Variants in RHOBTB2 observed in about 807,000 individuals in gnomAD.
The protein encoded by RHOBTB2 is Rho related BTB domain containing 2, also known as rho-related BTB domain-containing protein 2.
Under a neutral mutation model 66.5 loss-of-function variants are expected in RHOBTB2, and 39 were observed. The observed-to-expected ratio is 0.59, with a 90% CI of 0.45 to 0.77. RHOBTB2 has a LOEUF of 0.77. RHOBTB2 is among the 30% of genes least tolerant of loss of function. The pLI, the probability that RHOBTB2 is intolerant of heterozygous loss-of-function variation, is 0.00. For synonymous variants in RHOBTB2, 390 were observed against 395.0 expected (o/e 0.99, Z 0.15); for missense variants, 755 against 999.1 (o/e 0.76, Z 3.29).
rs1811415583 is a variant in RHOBTB2, at chr8:23,019,377, G to C, written c.*1908G>C. On this transcript the variant is annotated 3_prime_UTR_variant, in exon 10 of 10. Coordinates refer to ENST00000251822, the MANE Select transcript of RHOBTB2 (RefSeq NM_015178.3). ...CCTCCCCTCCACGGCCTCCAGGGCG[G>C]CTGGCTGGAAAGCCACGCGTATGCT... 1 of 152,744 alleles carries C rather than the reference G, an allele frequency of 6.5e-6. No homozygotes were observed. The highest frequency in any genetic ancestry group is 1.5e-5 in the Non-Finnish European group (1 of 68,648). 9.5% of individuals were successfully genotyped at this position (152,744 alleles called of 1,614,324 possible). A position where few individuals can be genotyped will look rare whatever the true frequency, so the allele number is the denominator to read the frequency against.
intron 5 of RHOBTB2, 103 bp downstream of exon 5, chr8:23,007,849 T>C: frequency 2.0e-6 from 3 of 1,521,248 alleles, no homozygotes; most frequent in East Asian, 4.5e-5. Flanking sequence ...TGCCATGCTC[T>C]TGAAGCCTGG....
At chr8:22,993,575 C>T (rs1418891903) in intron 2 of RHOBTB2, among the ~76,000 whole-genome samples, 2 of 152,188 alleles carry the variant, frequency 1.3e-5, no homozygotes, top group Admixed American at 6.5e-5. Context: ...GTGATCTCCC[C>T]AAAGGGAGAC....
chr8:22,994,635 A>G (rs1173032797), upstream of RHOBTB2: 2 of 1,551,130 alleles, frequency 1.3e-6, no homozygotes, highest in Admixed American at 3.9e-5. Context: ...CTCTTCAGAC[A>G]GCATGTGAGT....
At chr8:22,996,477 C>G (rs1271044332), upstream of RHOBTB2, among the ~76,000 whole-genome samples, 1 of 144,336 alleles carries the variant, frequency 6.9e-6, no homozygotes, top group Non-Finnish European at 1.5e-5. Flanking sequence ...CAAGCTGCAG[C>G]AAATGGGCAG....
the RHOBTB2 span, among the ~76,000 whole-genome samples, chr8:22,959,316 G>A: frequency 6.6e-5 from 10 of 152,210 alleles, no homozygotes; most frequent in East Asian, 9.7e-4. Flanking sequence ...GTGCGATCTC[G>A]GCTTACTGCA....
Position 23,001,559 on chromosome 8 carries a change from T to C in RHOBTB2, c.-11+1454T>C, listed in dbSNP as rs796101618. Among the ~76,000 whole-genome samples the C allele has an allele frequency of 2.6e-5, 4 of 152,262 alleles. No homozygotes were observed. The South Asian group carries it at 6.2e-4, about 24-fold the overall frequency. Reference sequence around the variant, plus strand: ...TCTTAAAGACAGATATAATTACACATATAGATATGCAATCTAGCATTATAT... The same window carrying C: ...TCTTAAAGACAGATATAATTACACACATAGATATGCAATCTAGCATTATAT... On this transcript the variant is annotated intron_variant, in intron 1 of 9. Transcript: ENST00000251822.
intron 9 of RHOBTB2, among the ~76,000 whole-genome samples, chr8:23,016,403 A>T (rs1229440379): frequency 2.0e-5 from 3 of 152,122 alleles, no homozygotes; most frequent in Non-Finnish European, 4.4e-5. Flanking sequence ...ACACTTTTAA[A>T]AAAAAATTAT....
rs1476842400 is a variant in RHOBTB2 at position 23,008,131 on chromosome 8, G to T, written c.1620+20G>T. On this transcript the variant is annotated intron_variant, in intron 6 of 9. Transcript: ENST00000251822. The stretch of plus-strand genomic sequence containing the variant: ...CGGGAGGTAAGGCTGAGGACACAAA[G>T]GGGGGAAGGAGGGAGTGAGACATTT... The T allele has an allele frequency of 3.9e-6, 6 of 1,537,976 alleles. No individual in the cohort carries two copies. Among genetic ancestry groups the T allele is most frequent in the Non-Finnish European group, 5.4e-6 (6 of 1,121,132 alleles).
chr8:22,953,671 A>AAATGCT, the RHOBTB2 span, among the ~76,000 whole-genome samples: 132 of 152,346 alleles, frequency 8.7e-4, no homozygotes, highest in African/African-American at 3.0e-3. Context: ...TTTAGCACTG[A>AAATGCT]GTGCTGTACA....
upstream of RHOBTB2, among the ~76,000 whole-genome samples, chr8:22,996,496 G>GGTGT (rs777854716): frequency 2.7e-4 from 27 of 98,808 alleles, no homozygotes; most frequent in Non-Finnish European, 3.4e-4. Flanking sequence ...AGAGAGGGCT[G>GGTGT]GTGTGTGTGT....
rs558288059 is a variant in RHOBTB2, at chr8:22,993,465, G to C, written c.-23-1096G>C. On this transcript the variant is annotated intron_variant, in intron 2 of 11. Coordinates refer to the RHOBTB2 transcript ENST00000519685. ...GGGCATGGGGCTTATGTCTGTGAGG[G>C]GGAGCAGGCACAAGTGGAGAAGGAG... Among the ~76,000 whole-genome samples, 15 of 152,330 alleles carry C rather than the reference G, an allele frequency of 9.8e-5. No homozygotes were observed. The South Asian group carries it at 1.9e-3, about 19-fold the overall frequency.
Position 22,999,720 on chromosome 8 carries a change from C to G in RHOBTB2, c.-396C>G. ...AGGCGTCTTCGCGGCAGCGCCTTCG[C>G]CGCGGGCCCGGGCGCGTAGCGGCGG... On this transcript the variant is annotated 5_prime_UTR_variant, in exon 1 of 10. Coordinates refer to ENST00000251822, the MANE Select transcript of RHOBTB2 (RefSeq NM_015178.3). 8.9e-7 allele frequency: 1 copy of G among 1,125,094 alleles called. No homozygotes were observed. Among genetic ancestry groups the G allele is most frequent in the Non-Finnish European group, 1.1e-6 (1 of 908,908 alleles). The allele number at this position is 1,125,094 out of a possible 1,614,324, so 69.7% of individuals were successfully genotyped here.
the RHOBTB2 span, among the ~76,000 whole-genome samples, chr8:22,975,355 A>T: frequency 1.3e-5 from 2 of 152,094 alleles, no homozygotes; most frequent in African/African-American, 4.8e-5. Context: ...AGGCTGTGGG[A>T]CAGGCTTTGG....
chr8:22,982,029 G>A, the RHOBTB2 span, among the ~76,000 whole-genome samples: 1 of 152,336 alleles, frequency 6.6e-6, no homozygotes, highest in Admixed American at 6.5e-5. Context: ...CAGAGAGGCT[G>A]AGTCCTGGGA....
Position 23,007,160 on chromosome 8 carries a change from G to A in RHOBTB2, c.915G>A (p.Leu305=). 2 of 1,604,832 alleles carry A rather than the reference G, an allele frequency of 1.2e-6. No homozygotes were observed. Among genetic ancestry groups the A allele is most frequent in the Non-Finnish European group, 1.7e-6 (2 of 1,178,720 alleles). ...LFLMDLSEGE[L]GGPSEPGGTH... ...TCATGGACCTGAGTGAGGGGGAGCT[G>A]GGGGGCCCCTCGGAGCCAGGGGGCA... The change falls in exon 5 of 10, where the codon CTG becomes CTA. Residue 305 remains leucine (L), a synonymous_variant. Transcript: ENST00000251822.
chr8:22,963,907 G>T, the RHOBTB2 span, among the ~76,000 whole-genome samples: 4 of 151,876 alleles, frequency 2.6e-5, no homozygotes, highest in African/African-American at 9.7e-5. Context: ...TCAGCCTCCC[G>T]AGTAGCTGGG....
Position 23,007,165 on chromosome 8 carries a change from G to T in RHOBTB2, c.920G>T (p.Gly307Val). 1.2e-6 allele frequency: 2 copies of T among 1,603,816 alleles called. No individual in the cohort carries two copies. Residue 307 changes from glycine (G) to valine (V), a missense_variant, in exon 5 of 10, where the codon GGC becomes GTC. Gly to Val is a moderately radical substitution (Grantham distance 109). Around this residue, in one of 7 missense-constraint regions of RHOBTB2, gnomAD observed 247 missense variants for 238.9 expected, o/e 1.03. Transcript: ENST00000251822. ...LMDLSEGELG[G>V]PSEPGGTHPE... ...GACCTGAGTGAGGGGGAGCTGGGGGGCCCCTCGGAGCCAGGGGGCACCCAC... is the reference window on the plus strand; with the variant it reads ...GACCTGAGTGAGGGGGAGCTGGGGGTCCCCTCGGAGCCAGGGGGCACCCAC...
Position 23,010,607 on chromosome 8 carries a change from A to G in RHOBTB2, c.1690A>G (p.Thr564Ala), listed in dbSNP as rs1468430198. ...VLEYLYTGMF[T>A]SSPDLDDMKL... ...GGAATACCTCTACACCGGCATGTTC[A>G]CCTCCAGCCCCGACCTGGATGACAT... The change falls in exon 7 of 10, where the codon ACC (threonine) becomes GCC (alanine). Residue 564 changes from threonine (T) to alanine (A), a missense_variant. By Grantham distance (58) the Thr-to-Ala change is moderately conservative. Transcript: ENST00000251822. The G allele has an allele frequency of 6.2e-7, 1 of 1,613,852 alleles. No homozygotes were observed. Among genetic ancestry groups the G allele is most frequent in the Non-Finnish European group, 8.5e-7 (1 of 1,179,974 alleles).
At position 23,006,984 on chromosome 8, in the gene RHOBTB2, G is replaced by C. The variant is rs199547644; in HGVS notation, c.739G>C (p.Asp247His). ...KPPPPIIVVP[D>H]PPSSSEECPA... ...ACCGCCCCCGATCATCGTGGTGCCC[G>C]ACCCTCCCTCCAGCAGCGAGGAGTG... The change falls in exon 5 of 10, where the codon GAC becomes CAC. Residue 247 changes from aspartate to histidine, a missense_variant. Asp to His is a moderately conservative substitution (Grantham distance 81). This residue lies in a region of RHOBTB2 where 247 missense variants were observed against 238.9 expected (regional missense o/e 1.03). Transcript: ENST00000251822. This position sits in a 1 kb window ranked among gnomAD's most constrained non-coding sequence, Gnocchi z 6.1. 9 of 1,610,108 alleles carry C rather than the reference G, an allele frequency of 5.6e-6. No homozygotes were observed. In the African/African-American group the frequency reaches 6.7e-5, roughly 12 times the overall value.
Sources: gnomAD v4.1 joint callset for allele counts (sites outside exome capture counted in the v4.1 genomes callset) on GRCh38, gnomAD v4.1.1 for gene constraint, gnomAD v4.1.1 regional missense constraint, Gnocchi (gnomAD v3.1) non-coding constraint, MANE v1.5 for transcripts, NCBI Gene and HGNC (gene_info 2026-07-23, HGNC 2026-07-21) for gene names.